Variants in ANTXR1 observed in about 807,000 individuals in gnomAD.
The protein encoded by ANTXR1 is ANTXR cell adhesion molecule 1.
Under a neutral mutation model 78.1 loss-of-function variants are expected in ANTXR1, and 19 were observed. That is an observed-to-expected ratio of 0.24 (90% CI 0.17 to 0.36). The LOEUF (loss-of-function observed/expected upper bound fraction) is 0.36. ANTXR1 is among the 10% of genes least tolerant of loss of function. The pLI is 1.00. For synonymous variants in ANTXR1, 273 were observed against 260.5 expected (o/e 1.05, Z -0.46); for missense variants, 518 against 718.6 (o/e 0.72, Z 3.19).
At chr2:69,034,460 C>T (rs1671617168) in intron 1 of ANTXR1, among the ~76,000 whole-genome samples, 1 of 152,202 alleles carries the variant, frequency 6.6e-6, no homozygotes, top group African/African-American at 2.4e-5. Flanking sequence ...GAAACACAGG[C>T]ACAAAATCCC....
At chr2:69,121,618 A>G (rs1672349137) in intron 10 of ANTXR1, among the ~76,000 whole-genome samples, 1 of 152,232 alleles carries the variant, frequency 6.6e-6, no homozygotes, top group Non-Finnish European at 1.5e-5. Flanking sequence ...AGATATCATA[A>G]GCGACATCAG....
intron 13 of ANTXR1, among the ~76,000 whole-genome samples, chr2:69,164,179 G>A (rs568654394): frequency 2.0e-5 from 3 of 152,296 alleles, no homozygotes; most frequent in South Asian, 2.1e-4. Flanking sequence ...TGGGTTAGGG[G>A]ATGAAAGGGG....
intron 12 of ANTXR1, chr2:69,145,789 G>A (rs563881290): frequency 1.4e-4 from 135 of 995,392 alleles, no homozygotes; most frequent in Admixed American, 4.1e-4. Context: ...GTTTGATACC[G>A]TATCATCCAG....
Position 69,247,703 on chromosome 2 carries a change from T to C in ANTXR1, c.*2218T>C, listed in dbSNP as rs1391970877. 3 of 152,726 alleles carry C rather than the reference T, an allele frequency of 2.0e-5. No homozygotes were observed. The highest frequency in any genetic ancestry group is 4.1e-4 in the South Asian group (2 of 4,822). 9.5% of individuals were successfully genotyped at this position (152,726 alleles called of 1,614,324 possible). On this transcript the variant is annotated 3_prime_UTR_variant, in exon 18 of 18. Coordinates refer to ENST00000303714, the MANE Select transcript of ANTXR1 (RefSeq NM_032208.3). ...GTAGAGACATTGAGCCCATCACAAC[T>C]GTTTTGACTGCTGGCAGTCTAAAAC...
At chr2:69,084,522 A>T (rs1670989124) in intron 8 of ANTXR1, among the ~76,000 whole-genome samples, 2 of 151,652 alleles carry the variant, frequency 1.3e-5, no homozygotes, top group Non-Finnish European at 2.9e-5. Flanking sequence ...ATAGTGTATT[A>T]GTGTACATAA....
At chr2:69,156,915 C>T (rs1440989627) in intron 13 of ANTXR1, among the ~76,000 whole-genome samples, 4 of 152,216 alleles carry the variant, frequency 2.6e-5, no homozygotes, top group South Asian at 2.1e-4. Flanking sequence ...CGTGGGAACA[C>T]GGATCCAACC....
chr2:69,231,631 A>C (rs925053376), intron 17 of ANTXR1, among the ~76,000 whole-genome samples: 2 of 152,194 alleles, frequency 1.3e-5, no homozygotes, highest in Non-Finnish European at 2.9e-5. Context: ...GTTCTCATTT[A>C]GAGTCTCTCA....
chr2:69,208,571 CCTGT>C (rs1202906205), intron 17 of ANTXR1, among the ~76,000 whole-genome samples: 2 of 152,142 alleles, frequency 1.3e-5, no homozygotes, highest in East Asian at 1.9e-4. Context: ...GTTAATTTCA[CCTGT>C]CTCTTTTTAT....
intron 7 of ANTXR1, 158 bp from the exon 8 acceptor site, chr2:69,077,250 G>A (rs1334212227): frequency 2.8e-6 from 2 of 723,046 alleles, no homozygotes; most frequent in African/African-American, 3.5e-5. Context: ...TGTTATTACT[G>A]ATGGCTTTTC....
intron 10 of ANTXR1, among the ~76,000 whole-genome samples, chr2:69,118,464 A>T (rs1672226503): frequency 2.0e-5 from 3 of 152,202 alleles, no homozygotes; most frequent in Admixed American, 2.0e-4. Context: ...ACATAAAAAT[A>T]AAATTTTCAT....
rs374934229 is a variant in ANTXR1 at position 69,013,676 on chromosome 2, C to T, written c.152+25C>T. 1.9e-4 allele frequency: 293 copies of T among 1,551,480 alleles called. 2 individuals are homozygous for T. In the African/African-American group the frequency reaches 3.3e-3, roughly 17 times the overall value. Reference sequence around the variant, plus strand: ...AGTAAGTGCCGCGAGTTGTCCCCCCCACCCCAGGCTAAGCGGGCGAAAACG... The same window carrying T: ...AGTAAGTGCCGCGAGTTGTCCCCCCTACCCCAGGCTAAGCGGGCGAAAACG... On this transcript the variant is annotated intron_variant, in intron 1 of 17. Coordinates refer to ENST00000303714, the MANE Select transcript of ANTXR1 (RefSeq NM_032208.3). This position sits in a 1 kb window ranked among gnomAD's most constrained non-coding sequence, Gnocchi z 5.0.
chr2:69,014,996 G>A (rs1042168820), intron 1 of ANTXR1, among the ~76,000 whole-genome samples: 12 of 151,748 alleles, frequency 7.9e-5, no homozygotes, highest in Non-Finnish European at 1.3e-4. Flanking sequence ...TAGAGACAGT[G>A]CATGAAAACA....
chr2:69,122,955 C>A, intron 10 of ANTXR1, 62 bp from the exon 11 acceptor site: 1 of 1,542,282 alleles, frequency 6.5e-7, no homozygotes, highest in South Asian at 1.1e-5. Flanking sequence ...CTCTAGAAGT[C>A]ATTGAATTTG....
chr2:69,070,669 G>T lies in ANTXR1; in HGVS notation c.319G>T (p.Glu107Ter). The change falls in exon 4 of 18, where the codon GAA becomes TAA. Residue 107 changes from glutamate (E) to a stop codon, truncating the protein, a stop_gained. Transcript: ENST00000303714. LOFTEE classifies it high-confidence loss of function. ...EDREQIRQGLEELQKVLPGGD... is the reference protein window; with the variant it reads ...EDREQIRQGL The stretch of plus-strand genomic sequence containing the variant: ...CAGAGAACAAATCCGTCAAGGCCTA[G>T]AAGAACTCCAGAAAGTTCTGCCAGG... 6.2e-7 allele frequency: 1 copy of T among 1,614,136 alleles called. No individual in the cohort carries two copies. Among genetic ancestry groups the T allele is most frequent in the Non-Finnish European group, 8.5e-7 (1 of 1,180,000 alleles).
At chr2:69,063,440 C>T (rs1670304385) in intron 3 of ANTXR1, among the ~76,000 whole-genome samples, 1 of 150,790 alleles carries the variant, frequency 6.6e-6, no homozygotes, top group African/African-American at 2.4e-5. Flanking sequence ...ATATTTAAGG[C>T]AGAATTAGAC....
At chr2:69,077,976 G>A (rs987695710) in intron 8 of ANTXR1, among the ~76,000 whole-genome samples, 1 of 152,208 alleles carries the variant, frequency 6.6e-6, no homozygotes, top group Non-Finnish European at 1.5e-5. Flanking sequence ...TGGACCTCAA[G>A]AGTTTCTTTA....
chr2:69,013,532 C>G lies in ANTXR1; in HGVS notation c.33C>G (p.Ile11Met). Residue 11 changes from isoleucine (I) to methionine (M), a missense_variant, in exon 1 of 18, where the codon ATC (isoleucine) becomes ATG (methionine). Transcript: ENST00000303714. The surrounding 1 kb of genome is among the most constrained non-coding windows in gnomAD (Gnocchi z 5.0). ...CGGCGGAGCGGAGAGCCCTCGGCAT[C>G]GGCTTCCAGTGGCTCTCTTTGGCCA... is the stretch of plus-strand genomic sequence containing the variant. MATAERRALG[I>M]GFQWLSLATL... 3 of 1,585,576 alleles carry G rather than the reference C, an allele frequency of 1.9e-6. No individual in the cohort carries two copies. Among genetic ancestry groups the G allele is most frequent in the Non-Finnish European group, 2.6e-6 (3 of 1,167,564 alleles).
At chr2:69,228,082 C>G (rs1675502336) in intron 17 of ANTXR1, among the ~76,000 whole-genome samples, 1 of 152,092 alleles carries the variant, frequency 6.6e-6, no homozygotes, top group African/African-American at 2.4e-5. Flanking sequence ...AAAGATAGAG[C>G]CTATTAAGAA....
intron 17 of ANTXR1, among the ~76,000 whole-genome samples, chr2:69,244,694 T>A (rs1314969089): frequency 1.3e-5 from 2 of 152,198 alleles, no homozygotes; most frequent in Non-Finnish European, 1.5e-5. Flanking sequence ...TTTCCAGGCA[T>A]GTAACTGAAC....
Sources: allele counts gnomAD v4.1 joint callset (sites outside exome capture counted in the v4.1 genomes callset), GRCh38; gene constraint gnomAD v4.1.1; non-coding constraint Gnocchi (gnomAD v3.1); transcripts MANE v1.5; gene names NCBI Gene and HGNC (gene_info 2026-07-23, HGNC 2026-07-21).